The following KNDC1 variants were observed in gnomAD, a reference collection of about 807,000 sequenced individuals.
KNDC1 encodes kinase non-catalytic C-lobe domain containing 1.
A neutral mutation model predicts 172.8 loss-of-function variants in KNDC1; 106 were observed. The ratio of observed to expected loss-of-function variants is 0.61; its 90% CI spans 0.52 to 0.72. KNDC1 has a LOEUF of 0.72. KNDC1 is among the 30% of genes least tolerant of loss of function. The probability of loss-of-function intolerance (pLI) is 0.00; values close to 1 mark genes in which losing one functional copy is unlikely to be tolerated. For missense variants in KNDC1, 2,325 were observed against 2,394.5 expected (o/e 0.97, Z 0.61); for synonymous variants, 1,083 against 1,062.2 (o/e 1.02, Z -0.38).
At position 133,160,524 on chromosome 10, in the gene KNDC1, G is replaced by A. The variant is rs1321209566; in HGVS notation, c.57G>A (p.Leu19=). ...ADLYEEDGKD[L]DFYDFEPLPT... is the part of the protein sequence containing the mutation. ...TTTACGAGGAGGACGGCAAAGACCT[G>A]GACTTCTACGACTTCGAGCCGCTGC... The change falls in exon 1 of 30, where the codon CTG becomes CTA. Residue 19 remains leucine, a synonymous_variant. Transcript: ENST00000304613. 8 of 1,590,962 alleles carry A rather than the reference G, an allele frequency of 5.0e-6. No homozygotes were observed. The highest frequency in any genetic ancestry group is 1.1e-5 in the South Asian group (1 of 87,830).
In KNDC1 at chr10:133,224,261, G is replaced by A. The variant is rs1845674839; in HGVS notation, c.5019-398G>A. On this transcript the variant is annotated intron_variant, in intron 29 of 29. Coordinates refer to ENST00000304613, the MANE Select transcript of KNDC1 (RefSeq NM_152643.8). This position sits in a 1 kb window ranked among gnomAD's most constrained non-coding sequence, Gnocchi z 5.4. ...TGTCAACCAGCTGTCCCAGGCTTCC[G>A]GCCCTGGGCCCCGGCCGTGGCGATT... Among the ~76,000 whole-genome samples the A allele has an allele frequency of 6.6e-6, 1 of 152,274 alleles. No homozygotes were observed. The highest frequency in any genetic ancestry group is 1.9e-4 in the East Asian group (1 of 5,170).
In KNDC1 at chr10:133,188,577, G is replaced by A. The variant is rs774437409; in HGVS notation, c.1365G>A (p.Arg455=). ...AGGACCTCCTGTCCCAGCTGGGCCG[G>A]CCCTTCCGGGAGTACGAGCTGTGGG... is the stretch of plus-strand genomic sequence containing the variant. ...SLQDLLSQLG[R]PFREYELWAL... The change falls in exon 7 of 30, where the codon CGG becomes CGA. Residue 455 remains arginine, a synonymous_variant. Transcript: ENST00000304613. The A allele has an allele frequency of 4.8e-5, 77 of 1,588,944 alleles. 1 individual carries two copies. The South Asian group carries it at 8.7e-4, about 18-fold the overall frequency.
At chr10:133,205,227 G>A (rs957057815) in intron 17 of KNDC1, among the ~76,000 whole-genome samples, 25 of 152,332 alleles carry the variant, frequency 1.6e-4, no homozygotes, top group African/African-American at 5.5e-4. Context: ...AGGGCTGCCC[G>A]GCCAGGCGTG....
chr10:133,199,805 C>G (rs1854310308), intron 15 of KNDC1, among the ~76,000 whole-genome samples: 1 of 152,186 alleles, frequency 6.6e-6, no homozygotes, highest in Non-Finnish European at 1.5e-5. Context: ...CACAGCTTTC[C>G]CATCGGACCT....
Position 133,167,548 on chromosome 10 carries a change from C to T in KNDC1, c.270C>T (p.Ser90=), listed in dbSNP as rs752550947. The change falls in exon 2 of 30, where the codon AGC becomes AGT. Residue 90 remains serine (S), a synonymous_variant. Coordinates refer to ENST00000304613, the MANE Select transcript of KNDC1 (RefSeq NM_152643.8). ...CCGACACCCTGGCCTTCAACACCAGCGGGAACGTGTGTTTCATGGAGCAGC... is the reference window on the plus strand; with the variant it reads ...CCGACACCCTGGCCTTCAACACCAGTGGGAACGTGTGTTTCATGGAGCAGC... ...ITPDTLAFNT[S]GNVCFMEQLS... is the part of the protein sequence containing the mutation. 84 of 1,601,292 alleles carry T rather than the reference C, an allele frequency of 5.2e-5. No homozygotes were observed. The Middle Eastern group carries it at 6.6e-4, about 13-fold the overall frequency.
intron 21 of KNDC1, 64 bp from the exon 22 acceptor site, chr10:133,211,358 G>A: frequency 1.3e-6 from 2 of 1,510,676 alleles, no homozygotes; most frequent in Non-Finnish European, 8.9e-7. Context: ...CCACATGCAA[G>A]CCCCTGGGCC....
At chr10:133,179,762 A>G (rs555841075) in intron 3 of KNDC1, among the ~76,000 whole-genome samples, 1 of 152,098 alleles carries the variant, frequency 6.6e-6, no homozygotes, top group Non-Finnish European at 1.5e-5. Context: ...GCTTTGGACC[A>G]CAGAGAGGCC....
At chr10:133,193,801 A>T (rs1854120541) in intron 9 of KNDC1, among the ~76,000 whole-genome samples, 1 of 152,240 alleles carries the variant, frequency 6.6e-6, no homozygotes, top group Non-Finnish European at 1.5e-5. Flanking sequence ...AGTGTACTTC[A>T]GAGCAAAGAA....
In KNDC1 at chr10:133,201,594, G is replaced by A; in HGVS notation, c.3083G>A (p.Gly1028Glu). The A allele has an allele frequency of 2.5e-6, 4 of 1,613,118 alleles. No homozygotes were observed. The highest frequency in any genetic ancestry group is 1.1e-5 in the South Asian group (1 of 91,086). Residue 1028 changes from glycine to glutamate, a missense_variant, in exon 17 of 30, where the codon GGA becomes GAA. Gly to Glu is a moderately conservative substitution (Grantham distance 98). Coordinates refer to ENST00000304613, the MANE Select transcript of KNDC1 (RefSeq NM_152643.8). ...SDVDSDALSR[G>E]NFEVGFRPQR... ...GTGGACTCGGACGCACTGTCACGGGGAAACTTCGAGGTGGGGTTTCGGCCT... is the reference window on the plus strand; with the variant it reads ...GTGGACTCGGACGCACTGTCACGGGAAAACTTCGAGGTGGGGTTTCGGCCT...
rs1331493881 is a variant in KNDC1 at position 133,219,086 on chromosome 10, T to C, written c.4856T>C (p.Val1619Ala). The C allele has an allele frequency of 1.1e-5, 17 of 1,613,536 alleles. No homozygotes were observed. The highest frequency in any genetic ancestry group is 1.3e-5 in the Non-Finnish European group (15 of 1,179,894). ...GAGGTCATGGAGGAGCTGAAAGCCGTGGAGGTACCAGCACTTTACGTGGCC... is the reference window on the plus strand; with the variant it reads ...GAGGTCATGGAGGAGCTGAAAGCCGCGGAGGTACCAGCACTTTACGTGGCC... ...IAEVMEELKA[V>A]EVFLKSDSLC... Residue 1619 changes from valine (V) to alanine (A), a missense_variant, in exon 28 of 30, where the codon GTG becomes GCG. Transcript: ENST00000304613.
intron 5 of KNDC1, among the ~76,000 whole-genome samples, chr10:133,185,077 G>A (rs1465119419): frequency 6.6e-6 from 1 of 152,288 alleles, no homozygotes; most frequent in Non-Finnish European, 1.5e-5. Flanking sequence ...ACGGCCACGA[G>A]GAGTCTCATG....
rs1232665841 is a variant in KNDC1 at position 133,186,323 on chromosome 10, C to G, written c.975C>G (p.Thr325=). The G allele has an allele frequency of 6.2e-7, 1 of 1,612,606 alleles. No homozygotes were observed. Among genetic ancestry groups the G allele is most frequent in the Non-Finnish European group, 8.5e-7 (1 of 1,179,922 alleles). ...SPEATLCLPL[T]RGKSQLPISE... is the part of the protein sequence containing the mutation. ...AGGCCACCCTCTGCCTGCCGCTGAC[C>G]CGCGGGAAAAGCCAGCTGCCCATAT... Residue 325 remains threonine, a synonymous_variant, in exon 6 of 30, where the codon ACC becomes ACG. Transcript: ENST00000304613.
intron 9 of KNDC1, among the ~76,000 whole-genome samples, chr10:133,194,268 C>T (rs1255031504): frequency 2.0e-5 from 3 of 152,142 alleles, no homozygotes; most frequent in Non-Finnish European, 4.4e-5. Context: ...ATTTTCCAAA[C>T]ACTTGGAAAC....
At chr10:133,175,142 T>A (rs1853493549) in intron 3 of KNDC1, among the ~76,000 whole-genome samples, 1 of 138,340 alleles carries the variant, frequency 7.2e-6, no homozygotes, top group African/African-American at 2.8e-5. Context: ...GGTGGGTGGA[T>A]GGGTGGATGA....
chr10:133,184,385 C>T (rs559924406), intron 5 of KNDC1, among the ~76,000 whole-genome samples: 3,278 of 116,746 alleles, frequency 0.028, 43 homozygotes, highest in Middle Eastern at 0.064. Flanking sequence ...ACACATGCTG[C>T]GCACACACAC....
At chr10:133,183,617 G>A in intron 4 of KNDC1, 127 bp downstream of exon 4, 1 of 1,148,666 alleles carries the variant, frequency 8.7e-7, no homozygotes, top group Non-Finnish European at 1.2e-6. Context: ...TCATGGCATG[G>A]CATTTTGCTT....
Position 133,166,326 on chromosome 10 carries a change from C to T in KNDC1, c.103-1055C>T, listed in dbSNP as rs957745227. Reference sequence around the variant, plus strand: ...CCTCCTACCTGCACATGGGGTGCCCCGGCCGGGGAGCAGCACACCCAAGAG... The same window carrying T: ...CCTCCTACCTGCACATGGGGTGCCCTGGCCGGGGAGCAGCACACCCAAGAG... On this transcript the variant is annotated intron_variant, in intron 1 of 29. Transcript: ENST00000304613. 5.3e-5 allele frequency among the ~76,000 whole-genome samples: 8 copies of T among 152,208 alleles called. 1 individual carries two copies. Among genetic ancestry groups the T allele is most frequent in the African/African-American group, 9.6e-5 (4 of 41,464 alleles).
At chr10:133,164,691 C>A (rs1853091221) in intron 1 of KNDC1, among the ~76,000 whole-genome samples, 1 of 152,228 alleles carries the variant, frequency 6.6e-6, no homozygotes, top group Admixed American at 6.5e-5. Context: ...GGTAGCAAGG[C>A]TGAGAGCCCC....
chr10:133,177,316 A>G (rs1049295132), intron 3 of KNDC1, among the ~76,000 whole-genome samples: 1 of 151,982 alleles, frequency 6.6e-6, no homozygotes, highest in Admixed American at 6.6e-5. Context: ...GTGTACATGT[A>G]TGTAGCGTGG....
Sources: allele counts gnomAD v4.1 joint callset (sites outside exome capture counted in the v4.1 genomes callset), GRCh38; gene constraint gnomAD v4.1.1; non-coding constraint Gnocchi (gnomAD v3.1); transcripts MANE v1.5; gene names NCBI Gene and HGNC (gene_info 2026-07-23, HGNC 2026-07-21).